Variants in CFAP65 observed in about 807,000 individuals in gnomAD.
CFAP65 encodes the protein cilia- and flagella-associated protein 65.
A neutral mutation model predicts 208.0 loss-of-function variants in CFAP65; 155 were observed. The observed-to-expected ratio is 0.75, with a 90% CI of 0.65 to 0.85. CFAP65 has a LOEUF of 0.85. Among genes scored for constraint, CFAP65 ranks in the 40% least tolerant of loss-of-function variants. The pLI is 0.00. For missense variants in CFAP65, 2,294 were observed against 2,451.3 expected (o/e 0.94, Z 1.36); for synonymous variants, 970 against 986.3 (o/e 0.98, Z 0.31).
In CFAP65 at chr2:219,038,980, A is replaced by T. The variant is rs1948523783; in HGVS notation, c.69T>A (p.Phe23Leu). The change falls in exon 3 of 35, where the codon TTT becomes TTA. Residue 23 changes from phenylalanine (F) to leucine (L), a missense_variant. Transcript: ENST00000341552. The stretch of plus-strand genomic sequence containing the variant: ...GAGGAATAAGGGGGAAAGAAGAGGC[A>T]AATGAGACTGATGGATTCTCCACCT... Reference protein sequence around the residue: ...TQKVENPSVSFASSFPLIPLL... With the variant: ...TQKVENPSVSLASSFPLIPLL... The T allele has an allele frequency of 6.2e-7, 1 of 1,613,684 alleles. No homozygotes were observed. Among genetic ancestry groups the T allele is most frequent in the Admixed American group, 1.7e-5 (1 of 59,962 alleles).
At chr2:219,018,765 A>G in intron 21 of CFAP65, 1 of 419,618 alleles carries the variant, frequency 2.4e-6, no homozygotes. Flanking sequence ...GCAGATGCCC[A>G]GTGAATGTGT....
chr2:219,022,418 G>C (rs1947328518), intron 16 of CFAP65, 89 bp from the exon 17 acceptor site: 2 of 1,434,130 alleles, frequency 1.4e-6, no homozygotes, highest in Non-Finnish European at 1.9e-6. Flanking sequence ...AGGGCGTCAT[G>C]CTACGTTAGC....
Position 219,003,331 on chromosome 2 carries a change from C to CGCCT in CFAP65, c.5556-63_5556-60dup. ...CGCAGTGCCCGCGCGCCTCCTCGCTCGCCTGTCCGTGCGGTACATTGTGCC... is the reference window on the plus strand; with the variant it reads ...CGCAGTGCCCGCGCGCCTCCTCGCTCGCCTGCCTGTCCGTGCGGTACATTGTGCC... On this transcript the variant is annotated intron_variant, in intron 33 of 34. Transcript: ENST00000341552. This position sits in a 1 kb window ranked among gnomAD's most constrained non-coding sequence, Gnocchi z 4.4. The CGCCT allele has an allele frequency of 2.7e-6, 4 of 1,470,562 alleles. No individual in the cohort carries two copies. Among genetic ancestry groups the CGCCT allele is most frequent in the Non-Finnish European group, 3.6e-6 (4 of 1,110,522 alleles). 91.1% of individuals were successfully genotyped at this position (1,470,562 alleles called of 1,614,324 possible).
Position 219,038,918 on chromosome 2 carries a change from G to T in CFAP65, c.131C>A (p.Ala44Glu), listed in dbSNP as rs771983786. The T allele has an allele frequency of 6.8e-6, 11 of 1,611,324 alleles. No individual in the cohort carries two copies. The East Asian group carries it at 2.0e-4, about 29-fold the overall frequency. ...LRGKSVQKKQ[A>E]ESKSQIKLHT... ...TACCTTTATCTGGCTTTTACTCTCT[G>T]CTTGTTTCTTCTGAACACTCTTGCC... Residue 44 changes from alanine to glutamate, a missense_variant, in exon 3 of 35, where the codon GCA becomes GAA. Around this residue, in one of 2 missense-constraint regions of CFAP65, gnomAD observed 867 missense variants for 1,012.6 expected, o/e 0.86. Transcript: ENST00000341552.
intron 9 of CFAP65, 66 bp downstream of exon 9, chr2:219,030,623 C>G (rs558065769): frequency 5.7e-6 from 9 of 1,574,656 alleles, no homozygotes. Flanking sequence ...TTCTGCAAGG[C>G]GGTGATTTTA....
rs769712344 is a variant in CFAP65 at position 219,030,733 on chromosome 2, C to T, written c.1117G>A (p.Gly373Ser). The change falls in exon 9 of 35, where the codon GGC becomes AGC. Residue 373 changes from glycine (G) to serine (S), a missense_variant. By Grantham distance (56) the Gly-to-Ser change is moderately conservative (BLOSUM62 0). This residue lies in a region of CFAP65 where 867 missense variants were observed against 1,012.6 expected (regional missense o/e 0.86). Transcript: ENST00000341552. Reference protein sequence around the residue: ...KLLYFGSVAVGCTSERQIRLH... With the variant: ...KLLYFGSVAVSCTSERQIRLH... ...CTGATCTGCCTCTCCGAGGTGCAGC[C>T]CACAGCAACAGAGCCAAAGTACAAC... The T allele has an allele frequency of 1.1e-5, 17 of 1,614,062 alleles. No individual in the cohort carries two copies. In the Admixed American group the frequency reaches 1.7e-4, roughly 16 times the overall value.
At chr2:219,012,624 C>G (rs1041363340) in intron 24 of CFAP65, among the ~76,000 whole-genome samples, 4 of 152,242 alleles carry the variant, frequency 2.6e-5, no homozygotes, top group Non-Finnish European at 5.9e-5. Context: ...TGGAGATTAC[C>G]AATCTACATT....
At chr2:219,026,818 G>C in intron 13 of CFAP65, 1 of 986,256 alleles carries the variant, frequency 1.0e-6, no homozygotes, top group South Asian at 4.7e-5. Flanking sequence ...AACCTCAGCA[G>C]AGCCAGGCAT....
chr2:219,006,748 C>T (rs907378092), intron 29 of CFAP65, among the ~76,000 whole-genome samples: 3 of 151,054 alleles, frequency 2.0e-5, no homozygotes, highest in South Asian at 2.1e-4. Flanking sequence ...GCTGGAGAAT[C>T]GCTTGAACCT....
intron 11 of CFAP65, among the ~76,000 whole-genome samples, chr2:219,028,673 C>T (rs772417860): frequency 6.6e-6 from 1 of 152,090 alleles, no homozygotes; most frequent in African/African-American, 2.4e-5. Context: ...TGGGCATTCT[C>T]CCACCCACCC....
At chr2:219,006,636 C>T (rs1168196051) in intron 29 of CFAP65, 127 bp from the exon 30 acceptor site, 5 of 848,294 alleles carry the variant, frequency 5.9e-6, no homozygotes, top group South Asian at 5.7e-5. Flanking sequence ...AAGTTTGAGA[C>T]CTGCCTGGCC....
rs758371721 is a variant in CFAP65 at position 219,038,934 on chromosome 2, C to T, written c.115G>A (p.Val39Ile). The T allele has an allele frequency of 1.4e-5, 22 of 1,612,624 alleles. No individual in the cohort carries two copies. The highest frequency in any genetic ancestry group is 1.7e-5 in the Non-Finnish European group (20 of 1,179,446). Residue 39 changes from valine to isoleucine, a missense_variant, in exon 3 of 35, where the codon GTT (valine) becomes ATT (isoleucine). By Grantham distance (29) the Val-to-Ile change is conservative. Around this residue, in one of 2 missense-constraint regions of CFAP65, gnomAD observed 867 missense variants for 1,012.6 expected, o/e 0.86. Coordinates refer to ENST00000341552, the MANE Select transcript of CFAP65 (RefSeq NM_194302.4). ...TTACTCTCTGCTTGTTTCTTCTGAA[C>T]ACTCTTGCCTCTTAGGAGAAGAGGA... The part of the protein sequence containing the change: ...LIPLLLRGKS[V>I]QKKQAESKSQ...
rs1948499530 is a variant in CFAP65, at chr2:219,038,552, T to C, written c.180A>G (p.Gly60=). The part of the protein sequence containing the change: ...IKLHTQSAPF[G]LCPKDMMLTQ... ...TGAGCATCATGTCCTTGGGACACAG[T>C]CCAAAGGGAGCACTCTGAGTATGGA... is the stretch of plus-strand genomic sequence containing the variant. The change falls in exon 4 of 35, where the codon GGA becomes GGG. Residue 60 remains glycine (G), a synonymous_variant. Transcript: ENST00000341552. 1 of 1,613,886 alleles carries C rather than the reference T, an allele frequency of 6.2e-7. No individual in the cohort carries two copies. The highest frequency in any genetic ancestry group is 1.3e-5 in the African/African-American group (1 of 74,966).
chr2:219,035,100 GAA>G (rs75235414), intron 5 of CFAP65: 2,461 of 314,734 alleles, frequency 7.8e-3, no homozygotes, highest in Middle Eastern at 0.015. Context: ...AACTACGCAG[GAA>G]AAAAAAAAAA....
chr2:219,013,860 G>C lies in CFAP65; in HGVS notation c.3779+8C>G, dbSNP rs1241229631. 4 of 1,579,442 alleles carry C rather than the reference G, an allele frequency of 2.5e-6. No individual in the cohort carries two copies. The South Asian group carries it at 3.5e-5, about 14-fold the overall frequency. On this transcript the variant is annotated splice_region_variant and intron_variant, in intron 22 of 34. Coordinates refer to ENST00000341552, the MANE Select transcript of CFAP65 (RefSeq NM_194302.4). ...GGAAGTGCAGGGGGTTTGGGGGGTG[G>C]GGAACACCTGTATTTTAACTCCACC...
Position 219,038,411 on chromosome 2 carries a change from A to T in CFAP65, c.321T>A (p.Ser107Arg). The part of the protein sequence containing the change: ...TVAIPAINDS[S>R]AAMSACSTIS... ...TGGTGCTGCAGGCACTCATGGCTGC[A>T]CTGCTGTCGTTGATGGCAGGGATGG... is the stretch of plus-strand genomic sequence containing the variant. Residue 107 changes from serine (S) to arginine (R), a missense_variant, in exon 4 of 35, where the codon AGT (serine) becomes AGA (arginine). Ser to Arg is a moderately radical substitution (Grantham distance 110, BLOSUM62 -1). Coordinates refer to ENST00000341552, the MANE Select transcript of CFAP65 (RefSeq NM_194302.4). 1 of 1,613,520 alleles carries T rather than the reference A, an allele frequency of 6.2e-7. No individual in the cohort carries two copies. Among genetic ancestry groups the T allele is most frequent in the South Asian group, 1.1e-5 (1 of 91,034 alleles).
At chr2:219,035,252 T>C in intron 5 of CFAP65, 2 of 1,404,420 alleles carry the variant, frequency 1.4e-6, no homozygotes, top group Non-Finnish European at 9.5e-7. Flanking sequence ...ACTTCCTTCA[T>C]TCTGGATGAA....
At chr2:219,030,291 G>A (rs908706218) in intron 9 of CFAP65, 83 bp from the exon 10 acceptor site, 21 of 1,427,372 alleles carry the variant, frequency 1.5e-5, no homozygotes, top group East Asian at 1.1e-4. Flanking sequence ...TTGTACTGGC[G>A]TGCCTAGCCA....
chr2:219,038,738 A>T, intron 3 of CFAP65, 158 bp downstream of exon 3: 1 of 1,109,694 alleles, frequency 9.0e-7, no homozygotes, highest in Non-Finnish European at 1.3e-6. Context: ...GCTGTACACG[A>T]GATCCAGGGC....
Sources: gnomAD v4.1 joint callset for allele counts (sites outside exome capture counted in the v4.1 genomes callset) on GRCh38, gnomAD v4.1.1 for gene constraint, gnomAD v4.1.1 regional missense constraint, Gnocchi (gnomAD v3.1) non-coding constraint, MANE v1.5 for transcripts, NCBI Gene and HGNC (gene_info 2026-07-23, HGNC 2026-07-21) for gene names.